ZFYVE9: variants seen among roughly 807,000 people sequenced by gnomAD.
The protein encoded by ZFYVE9 is zinc finger FYVE-type containing 9, also known as zinc finger FYVE domain-containing protein 9.
Under a neutral mutation model 126.7 loss-of-function variants are expected in ZFYVE9, and 43 were observed. The observed-to-expected ratio is 0.34, with a 90% CI of 0.27 to 0.44. ZFYVE9 has a LOEUF of 0.44. Among genes scored for constraint, ZFYVE9 ranks in the 20% least tolerant of loss-of-function variants. ZFYVE9 has a pLI of 1.00. For synonymous variants in ZFYVE9, 521 were observed against 597.4 expected (o/e 0.87, Z 1.87); for missense variants, 1,476 against 1,697.0 (o/e 0.87, Z 2.29).
rs377740738 is a variant in ZFYVE9 at position 52,159,087 on chromosome 1, C to T, written c.-143+16684C>T. 9.9e-5 allele frequency among the ~76,000 whole-genome samples: 15 copies of T among 152,264 alleles called. 1 individual carries two copies. The highest frequency in any genetic ancestry group is 2.6e-4 in the African/African-American group (11 of 41,554). ...GATTACAGGCATGAGCCACCGCGCC[C>T]GGCTATTCTTGTATGTTTTGTGTTC... On this transcript the variant is annotated intron_variant, in intron 1 of 18. Transcript: ENST00000287727.
chr1:52,341,521 G>T (rs773644490), intron 17 of ZFYVE9, among the ~76,000 whole-genome samples: 2 of 152,176 alleles, frequency 1.3e-5, no homozygotes, highest in Non-Finnish European at 2.9e-5. Flanking sequence ...AAAAGTTCTC[G>T]TAAGCTGGTA....
intron 2 of ZFYVE9, among the ~76,000 whole-genome samples, chr1:52,232,729 A>C (rs1221427818): frequency 1.0e-5 from 1 of 100,304 alleles, no homozygotes; most frequent in Non-Finnish European, 1.9e-5. Context: ...ACTCTGTCTC[A>C]AAAAAAAAAA....
chr1:52,273,048 C>T (rs139716540), intron 7 of ZFYVE9, among the ~76,000 whole-genome samples: 108 of 152,134 alleles, frequency 7.1e-4, no homozygotes, highest in African/African-American at 2.4e-3. Context: ...GTTCTTGTTG[C>T]CCAGGCGGAG....
At chr1:52,311,566 G>A (rs1646137150) in intron 13 of ZFYVE9, among the ~76,000 whole-genome samples, 1 of 151,846 alleles carries the variant, frequency 6.6e-6, no homozygotes, top group Admixed American at 6.6e-5. Flanking sequence ...CTCCCAGCTG[G>A]ATTGATGTTT....
In ZFYVE9 at chr1:52,180,612, AAAGT is replaced by A. The variant is rs1449101549; in HGVS notation, c.-142-35753_-142-35750del. On this transcript the variant is annotated intron_variant, in intron 1 of 18. Coordinates refer to ENST00000287727, the MANE Select transcript of ZFYVE9 (RefSeq NM_004799.4). ...TTGTCTGGATTTTTTAAAAAAGGAT[AAAGT>A]AAGAATGAATTCTTCTGGTTTTTAG... The A allele has an allele frequency of 5.0e-5, 27 of 541,128 alleles. 1 individual carries two copies. In the East Asian group the frequency reaches 8.6e-4, roughly 17 times the overall value. The allele number at this position is 541,128 out of a possible 1,614,324, so 33.5% of individuals were successfully genotyped here.
At chr1:52,176,413 G>T (rs1268694957) in intron 1 of ZFYVE9, among the ~76,000 whole-genome samples, 1 of 152,188 alleles carries the variant, frequency 6.6e-6, no homozygotes, top group Non-Finnish European at 1.5e-5. Flanking sequence ...CCTACTGGGG[G>T]GTGTCTCCCA....
intron 8 of ZFYVE9, 96 bp downstream of exon 8, chr1:52,274,680 T>G: frequency 7.4e-7 from 1 of 1,346,028 alleles, no homozygotes; most frequent in Non-Finnish European, 9.8e-7. Flanking sequence ...ACATTCACCT[T>G]TCTCTTATCC....
At chr1:52,236,109 A>G (rs1645271163) in intron 3 of ZFYVE9, among the ~76,000 whole-genome samples, 1 of 152,154 alleles carries the variant, frequency 6.6e-6, no homozygotes, top group South Asian at 2.1e-4. Context: ...CCATACTGCT[A>G]ATTAGATGTT....
At chr1:52,172,048 T>C (rs1382755470) in intron 1 of ZFYVE9, among the ~76,000 whole-genome samples, 1 of 152,124 alleles carries the variant, frequency 6.6e-6, no homozygotes, top group Non-Finnish European at 1.5e-5. Context: ...CCATTGCTTT[T>C]GGTGTTTTAG....
chr1:52,159,500 A>G (rs1644436336), intron 1 of ZFYVE9, among the ~76,000 whole-genome samples: 1 of 152,204 alleles, frequency 6.6e-6, no homozygotes, highest in Admixed American at 6.5e-5. Flanking sequence ...CAGACAACAC[A>G]GTGAAGACTT....
intron 2 of ZFYVE9, among the ~76,000 whole-genome samples, chr1:52,230,295 G>A (rs1645206547): frequency 6.6e-6 from 1 of 152,108 alleles, no homozygotes; most frequent in Non-Finnish European, 1.5e-5. Context: ...ACAGGAACAG[G>A]AGAGGCAAAC....
intron 1 of ZFYVE9, among the ~76,000 whole-genome samples, chr1:52,170,501 ATTAC>A (rs1644557170): frequency 1.3e-5 from 2 of 151,320 alleles, no homozygotes; most frequent in Admixed American, 1.3e-4. Flanking sequence ...TCTGATCTTT[ATTAC>A]TTCTTTTCTT....
chr1:52,235,475 C>G (rs1381309247), intron 3 of ZFYVE9, among the ~76,000 whole-genome samples: 1 of 151,962 alleles, frequency 6.6e-6, no homozygotes, highest in East Asian at 1.9e-4. Context: ...GGAAATATGA[C>G]TTATTTGCTT....
chr1:52,181,662 C>G, intron 1 of ZFYVE9, among the ~76,000 whole-genome samples: 1 of 151,964 alleles, frequency 6.6e-6, no homozygotes, highest in East Asian at 1.9e-4. Flanking sequence ...GGCCGCCATC[C>G]CATCTAGGAA....
intron 3 of ZFYVE9, among the ~76,000 whole-genome samples, chr1:52,236,172 G>A (rs962454614): frequency 3.3e-5 from 5 of 152,108 alleles, no homozygotes; most frequent in African/African-American, 4.8e-5. Flanking sequence ...AGAGGCAAGA[G>A]CTATCATTTA....
intron 4 of ZFYVE9, among the ~76,000 whole-genome samples, chr1:52,250,047 G>A (rs960886559): frequency 2.6e-5 from 4 of 152,160 alleles, no homozygotes; most frequent in Admixed American, 2.0e-4. Flanking sequence ...AACATGGAAT[G>A]TGAGTCCTCT....
intron 7 of ZFYVE9, among the ~76,000 whole-genome samples, chr1:52,271,000 G>A (rs994210480): frequency 2.0e-5 from 3 of 152,056 alleles, no homozygotes; most frequent in Non-Finnish European, 2.9e-5. Flanking sequence ...ACCAGCTTGG[G>A]CAACATAGTC....
At chr1:52,318,190 T>A (rs1043619293) in intron 13 of ZFYVE9, among the ~76,000 whole-genome samples, 10 of 152,184 alleles carry the variant, frequency 6.6e-5, no homozygotes, top group African/African-American at 2.2e-4. Flanking sequence ...AAAATAATAA[T>A]GTATATTATG....
At chr1:52,248,798 G>A (rs1251569518) in intron 4 of ZFYVE9, among the ~76,000 whole-genome samples, 2 of 152,162 alleles carry the variant, frequency 1.3e-5, no homozygotes, top group Non-Finnish European at 2.9e-5. Flanking sequence ...AGAATTGCTG[G>A]ATTATATGGT....
Sources: allele counts gnomAD v4.1 joint callset (sites outside exome capture counted in the v4.1 genomes callset), GRCh38; gene constraint gnomAD v4.1.1; transcripts MANE v1.5; gene names NCBI Gene and HGNC (gene_info 2026-07-23, HGNC 2026-07-21).